The following MBOAT2 variants were observed in gnomAD, a reference collection of about 807,000 sequenced individuals.
MBOAT2 encodes membrane bound glycerophospholipid O-acyltransferase 2.
Under a neutral mutation model 63.4 loss-of-function variants are expected in MBOAT2, and 28 were observed. The ratio of observed to expected loss-of-function variants is 0.44; its 90% CI spans 0.33 to 0.61. The LOEUF (loss-of-function observed/expected upper bound fraction) is 0.61, where lower values mean the gene tolerates loss of function less well. Among genes scored for constraint, MBOAT2 ranks in the 20% least tolerant of loss-of-function variants. The probability of loss-of-function intolerance (pLI) is 0.03; values close to 1 mark genes in which losing one functional copy is unlikely to be tolerated. For synonymous variants in MBOAT2, 211 were observed against 215.6 expected (o/e 0.98, Z 0.19); for missense variants, 470 against 605.8 (o/e 0.78, Z 2.35).
intron 3 of MBOAT2, among the ~76,000 whole-genome samples, chr2:8,940,274 C>A (rs1667958716): frequency 6.6e-6 from 1 of 151,970 alleles, no homozygotes; most frequent in South Asian, 2.1e-4. Context: ...AATGACAGAA[C>A]TTTTCCATTT....
intron 7 of MBOAT2, 90 bp from the exon 8 acceptor site, chr2:8,873,390 G>A (rs562983181): frequency 1.5e-6 from 2 of 1,295,588 alleles, no homozygotes; most frequent in Admixed American, 2.5e-5. Context: ...CTTCCTGAAT[G>A]GATCATCAGT....
At chr2:8,896,557 A>C (rs1003165080) in intron 4 of MBOAT2, among the ~76,000 whole-genome samples, 2 of 152,222 alleles carry the variant, frequency 1.3e-5, no homozygotes, top group African/African-American at 4.8e-5. Flanking sequence ...GTTAACTTTT[A>C]GCAAAATTTA....
chr2:8,875,360 C>T (rs1662629747), intron 7 of MBOAT2, among the ~76,000 whole-genome samples: 1 of 150,104 alleles, frequency 6.7e-6, no homozygotes, highest in Admixed American at 6.8e-5. Flanking sequence ...GTCTATAACC[C>T]AAAAGAGGAA....
chr2:8,868,616 A>C, intron 8 of MBOAT2, 67 bp from the exon 9 acceptor site: 1 of 1,276,280 alleles, frequency 7.8e-7, no homozygotes. Context: ...TTCTCCCAGA[A>C]GGTATGTGTT....
intron 1 of MBOAT2, among the ~76,000 whole-genome samples, chr2:8,982,038 C>T (rs1287181971): frequency 6.6e-6 from 1 of 152,086 alleles, no homozygotes; most frequent in Admixed American, 6.6e-5. Context: ...TTCCCCAAAC[C>T]TTAGTTACTT....
chr2:8,932,038 C>T (rs1558628898), intron 3 of MBOAT2, among the ~76,000 whole-genome samples: 1 of 152,134 alleles, frequency 6.6e-6, no homozygotes, highest in African/African-American at 2.4e-5. Flanking sequence ...CACTAAAATG[C>T]CTGGCAGTTT....
At chr2:8,988,354 G>A (rs1330497562) in intron 1 of MBOAT2, among the ~76,000 whole-genome samples, 2 of 152,148 alleles carry the variant, frequency 1.3e-5, no homozygotes, top group African/African-American at 4.8e-5. Context: ...GTTACTATAT[G>A]AACATCAACT....
At chr2:8,899,750 T>G (rs1469251611) in intron 4 of MBOAT2, among the ~76,000 whole-genome samples, 1 of 152,226 alleles carries the variant, frequency 6.6e-6, no homozygotes, top group Non-Finnish European at 1.5e-5. Context: ...GCCTGCTCCA[T>G]TTTCTGTCCT....
chr2:8,902,675 T>G (rs1665043975), intron 4 of MBOAT2, among the ~76,000 whole-genome samples: 1 of 152,132 alleles, frequency 6.6e-6, no homozygotes, highest in African/African-American at 2.4e-5. Flanking sequence ...ATAAAGGCAG[T>G]GCATCTGGAC....
At chr2:8,886,016 T>C (rs1663523067) in intron 5 of MBOAT2, among the ~76,000 whole-genome samples, 6 of 152,204 alleles carry the variant, frequency 3.9e-5, no homozygotes, top group Admixed American at 3.9e-4. Context: ...ATAGGAAATG[T>C]CCCCTATGTC....
intron 11 of MBOAT2, 163 bp from the exon 12 acceptor site, chr2:8,860,927 TA>T: frequency 1.8e-6 from 1 of 558,212 alleles, no homozygotes; most frequent in Non-Finnish European, 3.1e-6. Flanking sequence ...AAGTTCGTTC[TA>T]AAAAAGCGAA....
intron 3 of MBOAT2, among the ~76,000 whole-genome samples, chr2:8,932,832 G>C (rs1667413635): frequency 6.6e-6 from 1 of 151,536 alleles, no homozygotes; most frequent in Non-Finnish European, 1.5e-5. Context: ...AAGGCCAAAG[G>C]CTCTTTCTAT....
intron 1 of MBOAT2, among the ~76,000 whole-genome samples, chr2:8,978,282 C>A (rs1670965018): frequency 6.6e-6 from 1 of 152,120 alleles, no homozygotes; most frequent in Non-Finnish European, 1.5e-5. Flanking sequence ...ACATGGAATG[C>A]ACACAGATGT....
At chr2:8,933,189 C>A (rs1667442748) in intron 3 of MBOAT2, among the ~76,000 whole-genome samples, 3 of 152,064 alleles carry the variant, frequency 2.0e-5, no homozygotes, top group Admixed American at 2.0e-4. Flanking sequence ...AGATTAGTTT[C>A]TAGAAGTACC....
chr2:8,979,776 T>G (rs1671074999), intron 1 of MBOAT2, among the ~76,000 whole-genome samples: 1 of 152,122 alleles, frequency 6.6e-6, no homozygotes, highest in Non-Finnish European at 1.5e-5. Context: ...TGGCAAGAGA[T>G]CAACATAGAT....
chr2:8,877,758 A>G (rs1164193922), intron 6 of MBOAT2, among the ~76,000 whole-genome samples: 1 of 152,238 alleles, frequency 6.6e-6, no homozygotes, highest in Non-Finnish European at 1.5e-5. Flanking sequence ...AGTTGAGCAG[A>G]GACCAGGAAG....
At chr2:8,943,320 T>C in intron 2 of MBOAT2, 56 bp from the exon 3 acceptor site, 1 of 1,085,566 alleles carries the variant, frequency 9.2e-7, no homozygotes, top group South Asian at 1.6e-5. Flanking sequence ...AACATCAAGC[T>C]GAAGTGAATT....
chr2:8,864,488 G>C (rs1230437494), intron 9 of MBOAT2, among the ~76,000 whole-genome samples: 1 of 152,106 alleles, frequency 6.6e-6, no homozygotes, highest in East Asian at 1.9e-4. Context: ...ATTTACAAGG[G>C]ATGTCATGGA....
At position 8,858,781 on chromosome 2, in the gene MBOAT2, A is replaced by G. The variant is rs1426532743; in HGVS notation, c.1461T>C (p.Asp487=). ...TCTGTCCCAAAGAATTTTCTCCTTC[A>G]TCAAACTTTTTGGATTGTGAGAGCT... ...NIQLSQSKKF[D]EGENSLGQNS... is the part of the protein sequence containing the mutation. Residue 487 remains aspartate, a synonymous_variant, in exon 13 of 13, where the codon GAT becomes GAC. Transcript: ENST00000305997. 2 of 1,614,100 alleles carry G rather than the reference A, an allele frequency of 1.2e-6. No individual in the cohort carries two copies. The highest frequency in any genetic ancestry group is 2.7e-5 in the African/African-American group (2 of 75,040).
Sources: gnomAD v4.1 joint callset for allele counts (sites outside exome capture counted in the v4.1 genomes callset) on GRCh38, gnomAD v4.1.1 for gene constraint, MANE v1.5 for transcripts, NCBI Gene and HGNC (gene_info 2026-07-23, HGNC 2026-07-21) for gene names.